Variants in PLEKHA5 observed in about 807,000 individuals in gnomAD.
The protein encoded by PLEKHA5 is pleckstrin homology domain containing A5.
In PLEKHA5, 55 loss-of-function variants were observed where a neutral mutation model predicts 181.9. The observed-to-expected ratio is 0.30, with a 90% CI of 0.24 to 0.38. PLEKHA5 has a LOEUF of 0.38. Among genes scored for constraint, PLEKHA5 ranks in the 10% least tolerant of loss-of-function variants. The pLI is 1.00. For missense variants in PLEKHA5, 1,432 were observed against 1,549.5 expected (o/e 0.92, Z 1.27); for synonymous variants, 535 against 529.4 (o/e 1.01, Z -0.15).
Position 19,200,183 on chromosome 12 carries a change from T to G in PLEKHA5, c.228-53757T>G. On this transcript the variant is annotated intron_variant, in intron 3 of 31. Coordinates refer to ENST00000429027, the MANE Select transcript of PLEKHA5 (RefSeq NM_001256470.2). ...TTAGTACTTGAGGTGATGGATCCCC[T>G]CAAATAACCTAACTTGATCATTACA... 3 of 593,918 alleles carry G rather than the reference T, an allele frequency of 5.1e-6. No homozygotes were observed. In the South Asian group the frequency reaches 6.9e-5, roughly 14 times the overall value. The allele number at this position is 593,918 out of a possible 1,614,324, so 36.8% of individuals were successfully genotyped here.
At chr12:19,139,119 C>G (rs2036555812) in intron 3 of PLEKHA5, among the ~76,000 whole-genome samples, 1 of 151,806 alleles carries the variant, frequency 6.6e-6, no homozygotes, top group South Asian at 2.1e-4. Flanking sequence ...GGCCATTGAT[C>G]AAAGATGTTA....
rs373843267 is a variant in PLEKHA5, at chr12:19,185,564, T to G, written c.227+53114T>G. ...AGACAGATAGATACACACTTTATCATATTAGTTGAGTCTCTGGATCTAGCC... is the reference window on the plus strand; with the variant it reads ...AGACAGATAGATACACACTTTATCAGATTAGTTGAGTCTCTGGATCTAGCC... On this transcript the variant is annotated intron_variant, in intron 3 of 31. Transcript: ENST00000429027. Among the ~76,000 whole-genome samples, 7 of 152,286 alleles carry G rather than the reference T, an allele frequency of 4.6e-5. No homozygotes were observed. The South Asian group carries it at 1.5e-3, about 32-fold the overall frequency.
At chr12:19,293,383 T>C (rs1302187647) in intron 15 of PLEKHA5, among the ~76,000 whole-genome samples, 3 of 152,164 alleles carry the variant, frequency 2.0e-5, no homozygotes, top group African/African-American at 4.8e-5. Flanking sequence ...TGGAATACTT[T>C]AAAAATCAGC....
chr12:19,241,269 G>C (rs1185727976), intron 3 of PLEKHA5, among the ~76,000 whole-genome samples: 1 of 152,088 alleles, frequency 6.6e-6, no homozygotes, highest in African/African-American at 2.4e-5. Flanking sequence ...AAAGGGGTAG[G>C]GGTTTTGTTG....
At chr12:19,162,752 G>C (rs184964487) in intron 3 of PLEKHA5, among the ~76,000 whole-genome samples, 199 of 152,266 alleles carry the variant, frequency 1.3e-3, no homozygotes, top group African/African-American at 4.4e-3. Context: ...GGCTCTGGCA[G>C]CTAAGTGCCC....
intron 25 of PLEKHA5, among the ~76,000 whole-genome samples, chr12:19,350,662 G>A (rs61912328): frequency 2.0e-5 from 3 of 151,934 alleles, no homozygotes; most frequent in Admixed American, 2.0e-4. Flanking sequence ...CCAGCTACTC[G>A]GGAGGCAGAG....
At chr12:19,300,976 A>T (rs1410240866) in intron 15 of PLEKHA5, among the ~76,000 whole-genome samples, 1 of 21,932 alleles carries the variant, frequency 4.6e-5, no homozygotes, top group Non-Finnish European at 6.0e-4. Context: ...CTCTACTAAA[A>T]AAAAAAAAAA....
intron 26 of PLEKHA5, among the ~76,000 whole-genome samples, chr12:19,357,365 C>T (rs1245369103): frequency 6.6e-6 from 1 of 151,650 alleles, no homozygotes; most frequent in East Asian, 1.9e-4. Context: ...CCACCTCAGC[C>T]TCCCGAGTAG....
At chr12:19,217,527 A>C (rs1592099256) in intron 3 of PLEKHA5, among the ~76,000 whole-genome samples, 1 of 152,180 alleles carries the variant, frequency 6.6e-6, no homozygotes, top group Non-Finnish European at 1.5e-5. Context: ...TAGGGATGCA[A>C]ATCAGAATAA....
chr12:19,267,668 C>T (rs1264036856), intron 8 of PLEKHA5, among the ~76,000 whole-genome samples: 1 of 132,028 alleles, frequency 7.6e-6, no homozygotes, highest in Non-Finnish European at 1.6e-5. Flanking sequence ...CCTCCCCCAA[C>T]CCCCCAAAAA....
At chr12:19,231,986 A>G (rs1164907339) in intron 3 of PLEKHA5, among the ~76,000 whole-genome samples, 2 of 152,126 alleles carry the variant, frequency 1.3e-5, no homozygotes, top group Non-Finnish European at 2.9e-5. Flanking sequence ...AAATATAACC[A>G]CACATTTCTC....
chr12:19,153,982 A>G (rs1352521459), intron 3 of PLEKHA5: 1 of 152,164 alleles, frequency 6.6e-6, no homozygotes, highest in Non-Finnish European at 1.5e-5. Context: ...CAAATGTTGC[A>G]GTGACTTCTT....
intron 17 of PLEKHA5, 142 bp downstream of exon 17, chr12:19,320,198 A>G: frequency 2.5e-6 from 1 of 404,436 alleles, no homozygotes; most frequent in Non-Finnish European, 4.3e-6. Flanking sequence ...AACTATGCTT[A>G]ATTTAAGTAT....
chr12:19,369,805 C>T lies in PLEKHA5; in HGVS notation c.*11+7C>T, dbSNP rs1305694212. 1 of 1,490,668 alleles carries T rather than the reference C, an allele frequency of 6.7e-7. No individual in the cohort carries two copies. Among genetic ancestry groups the T allele is most frequent in the Non-Finnish European group, 9.2e-7 (1 of 1,082,592 alleles). 92.3% of individuals were successfully genotyped at this position (1,490,668 alleles called of 1,614,324 possible). On this transcript the variant is annotated splice_region_variant and intron_variant, in intron 31 of 31. Coordinates refer to ENST00000429027, the MANE Select transcript of PLEKHA5 (RefSeq NM_001256470.2). ...GTGTGTAGTCTTAGAAGAAGTACGT[C>T]ATTTCCCTTTGCATTTGTGCTTTAG... is the stretch of plus-strand genomic sequence containing the variant.
chr12:19,164,383 C>T (rs544459536), intron 3 of PLEKHA5, among the ~76,000 whole-genome samples: 10 of 151,788 alleles, frequency 6.6e-5, no homozygotes, highest in South Asian at 2.1e-4. Flanking sequence ...TTAGTAGAGA[C>T]GGAGTTTCAC....
rs370439777 is a variant in PLEKHA5 at position 19,183,055 on chromosome 12, AC to A, written c.227+50607del. On this transcript the variant is annotated intron_variant, in intron 3 of 31. Coordinates refer to ENST00000429027, the MANE Select transcript of PLEKHA5 (RefSeq NM_001256470.2). ...AGCTGTTGCTAATTAAAGTTTAAAA[AC>A]CACTAGTGAAAATAAACACCAAAAC... Among the ~76,000 whole-genome samples, 953 of 152,338 alleles carry A rather than the reference AC, an allele frequency of 6.3e-3. 10 individuals carry two copies. The highest frequency in any genetic ancestry group is 0.022 in the African/African-American group (920 of 41,580).
chr12:19,295,277 A>T (rs1418573719), intron 15 of PLEKHA5, among the ~76,000 whole-genome samples: 2 of 152,202 alleles, frequency 1.3e-5, no homozygotes. Context: ...TTTAAGTGAA[A>T]CTTGCCAGCT....
At chr12:19,251,162 T>C (rs2152521671) in intron 3 of PLEKHA5, among the ~76,000 whole-genome samples, 1 of 152,162 alleles carries the variant, frequency 6.6e-6, no homozygotes, top group East Asian at 1.9e-4. Context: ...CCCAGCACTT[T>C]GGGAAGCCAA....
rs1359634303 is a variant in PLEKHA5 at position 19,160,963 on chromosome 12, CAA to C, written c.227+28516_227+28517del. ...ATAGTAAAAGCGTACATGTATGAAA[CAA>C]AAGAGTAAGGTTTTGTTTTCATTTT... is the stretch of plus-strand genomic sequence containing the variant. On this transcript the variant is annotated intron_variant, in intron 3 of 31. Coordinates refer to ENST00000429027, the MANE Select transcript of PLEKHA5 (RefSeq NM_001256470.2). Among the ~76,000 whole-genome samples the C allele has an allele frequency of 4.6e-5, 7 of 152,004 alleles. No individual in the cohort carries two copies. In the East Asian group the frequency reaches 7.8e-4, roughly 17 times the overall value.
Sources: gnomAD v4.1 joint callset for allele counts (sites outside exome capture counted in the v4.1 genomes callset) on GRCh38, gnomAD v4.1.1 for gene constraint, MANE v1.5 for transcripts, NCBI Gene and HGNC (gene_info 2026-07-23, HGNC 2026-07-21) for gene names.